MDGA2: variants seen among roughly 807,000 people sequenced by gnomAD.
MDGA2 encodes the protein MAM domain containing glycosylphosphatidylinositol anchor 2, also known as MAM domain-containing glycosylphosphatidylinositol anchor protein 2.
In MDGA2, 40 loss-of-function variants were observed where a neutral mutation model predicts 117.8. That is an observed-to-expected ratio of 0.34 (90% CI 0.26 to 0.44). The LOEUF (loss-of-function observed/expected upper bound fraction) is 0.44. MDGA2 is among the 20% of genes least tolerant of loss of function. The pLI is 1.00. For missense variants in MDGA2, 1,123 were observed against 1,250.6 expected (o/e 0.90, Z 1.54); for synonymous variants, 452 against 439.0 (o/e 1.03, Z -0.37).
intron 3 of MDGA2, among the ~76,000 whole-genome samples, chr14:47,164,681 A>G (rs1883788978): frequency 6.6e-6 from 1 of 152,200 alleles, no homozygotes. Flanking sequence ...ACCATTGTGG[A>G]AGACAGTGTG....
chr14:47,015,808 G>A (rs1300555828), intron 8 of MDGA2, among the ~76,000 whole-genome samples: 1 of 152,026 alleles, frequency 6.6e-6, no homozygotes, highest in Non-Finnish European at 1.5e-5. Context: ...GAAAGATACT[G>A]ATAAAATTAG....
intron 1 of MDGA2, among the ~76,000 whole-genome samples, chr14:47,324,490 A>T (rs1161816995): frequency 6.6e-6 from 1 of 152,166 alleles, no homozygotes; most frequent in Non-Finnish European, 1.5e-5. Flanking sequence ...AATTTCATCC[A>T]GACTCTGGAG....
chr14:47,304,444 G>A (rs1433380582), intron 1 of MDGA2, among the ~76,000 whole-genome samples: 2 of 152,010 alleles, frequency 1.3e-5, no homozygotes, highest in Non-Finnish European at 1.5e-5. Flanking sequence ...ACCTAGACTA[G>A]GCTAGGGGTA....
chr14:47,120,459 G>T (rs1594643112), intron 5 of MDGA2, among the ~76,000 whole-genome samples: 1 of 152,200 alleles, frequency 6.6e-6, no homozygotes, highest in East Asian at 1.9e-4. Context: ...GGAGGTAGAA[G>T]AAAGAAATAC....
intron 1 of MDGA2, among the ~76,000 whole-genome samples, chr14:47,641,371 C>A (rs1897420790): frequency 6.6e-6 from 1 of 152,070 alleles, no homozygotes. Context: ...CAATTGTAAT[C>A]CCTGATTCAA....
At chr14:46,941,911 A>G (rs1207958926) in intron 9 of MDGA2, among the ~76,000 whole-genome samples, 1 of 152,178 alleles carries the variant, frequency 6.6e-6, no homozygotes, top group Non-Finnish European at 1.5e-5. Flanking sequence ...TTGCAACCCT[A>G]CACCCTAGCT....
At chr14:47,076,536 G>A (rs1421099680) in intron 6 of MDGA2, among the ~76,000 whole-genome samples, 1 of 140,870 alleles carries the variant, frequency 7.1e-6, no homozygotes, top group Non-Finnish European at 1.5e-5. Context: ...GTGTATGAGT[G>A]TGTGTTATGT....
intron 1 of MDGA2, among the ~76,000 whole-genome samples, chr14:47,516,943 G>A (rs528704692): frequency 2.6e-5 from 4 of 152,098 alleles, no homozygotes; most frequent in East Asian, 1.9e-4. Context: ...AACAAAAAAA[G>A]TGGACACTTT....
intron 1 of MDGA2, among the ~76,000 whole-genome samples, chr14:47,616,872 T>A (rs1385484864): frequency 6.6e-6 from 1 of 152,206 alleles, no homozygotes; most frequent in African/African-American, 2.4e-5. Flanking sequence ...TGTGACTATT[T>A]AAATTAAAAT....
intron 9 of MDGA2, among the ~76,000 whole-genome samples, chr14:46,945,984 T>G (rs1371112344): frequency 6.6e-6 from 1 of 152,002 alleles, no homozygotes; most frequent in African/African-American, 2.4e-5. Flanking sequence ...TTAACAAATA[T>G]GGTTAAGTAG....
At chr14:47,094,182 C>A (rs970874155) in intron 6 of MDGA2, among the ~76,000 whole-genome samples, 1 of 151,952 alleles carries the variant, frequency 6.6e-6, no homozygotes, top group Non-Finnish European at 1.5e-5. Context: ...AGATTATATA[C>A]AAACTTGATT....
chr14:47,613,479 TCACA>T (rs1555336468), intron 1 of MDGA2, among the ~76,000 whole-genome samples: 21 of 141,164 alleles, frequency 1.5e-4, no homozygotes, highest in East Asian at 2.1e-4. Context: ...TCTCTCTCTC[TCACA>T]CACACACACA....
intron 1 of MDGA2, among the ~76,000 whole-genome samples, chr14:47,652,512 A>G (rs1897663463): frequency 1.3e-5 from 2 of 152,180 alleles, no homozygotes; most frequent in Non-Finnish European, 2.9e-5. Flanking sequence ...ATCTGAAAAT[A>G]CTGATTTGTT....
intron 1 of MDGA2, among the ~76,000 whole-genome samples, chr14:47,330,720 AAAT>A (rs1890270282): frequency 2.0e-5 from 3 of 151,816 alleles, no homozygotes; most frequent in African/African-American, 7.2e-5. Flanking sequence ...AAAAAAAAAG[AAAT>A]CAAAGATATG....
At chr14:47,536,879 C>T (rs1895222825) in intron 1 of MDGA2, among the ~76,000 whole-genome samples, 2 of 152,158 alleles carry the variant, frequency 1.3e-5, no homozygotes, top group South Asian at 4.1e-4. Flanking sequence ...TATAGCCTTG[C>T]CATCAAGAGA....
intron 1 of MDGA2, among the ~76,000 whole-genome samples, chr14:47,405,165 C>A (rs1365897272): frequency 6.6e-6 from 1 of 152,062 alleles, no homozygotes; most frequent in Admixed American, 6.6e-5. Context: ...TGGCTCTATG[C>A]GGCTTTATCA....
At chr14:47,281,010 T>C (rs1000469905) in intron 2 of MDGA2, among the ~76,000 whole-genome samples, 3 of 147,590 alleles carry the variant, frequency 2.0e-5, no homozygotes, top group African/African-American at 7.4e-5. Flanking sequence ...ATATGGTATA[T>C]AATATATAAT....
chr14:47,178,837 TGA>T (rs1884585841), intron 3 of MDGA2, among the ~76,000 whole-genome samples: 2 of 152,256 alleles, frequency 1.3e-5, no homozygotes, highest in East Asian at 1.9e-4. Context: ...ATACTTTACC[TGA>T]GTTTAGAAAG....
chr14:47,196,038 T>C (rs1177356014), intron 3 of MDGA2, among the ~76,000 whole-genome samples: 1 of 152,156 alleles, frequency 6.6e-6, no homozygotes, highest in East Asian at 1.9e-4. Context: ...AGTAAACTTA[T>C]AAGGAAGAGT....
Sources: gnomAD v4.1 joint callset for allele counts (sites outside exome capture counted in the v4.1 genomes callset) on GRCh38, gnomAD v4.1.1 for gene constraint, MANE v1.5 for transcripts, NCBI Gene and HGNC (gene_info 2026-07-23, HGNC 2026-07-21) for gene names.